The following KHDRBS2 variants were observed in gnomAD, a reference collection of about 807,000 sequenced individuals.
The protein encoded by KHDRBS2 is KH domain-containing, RNA-binding, signal transduction-associated protein 2.
Under a neutral mutation model 44.3 loss-of-function variants are expected in KHDRBS2, and 26 were observed. That is an observed-to-expected ratio of 0.59 (90% confidence interval 0.43 to 0.81). The LOEUF is 0.81. Ranked by LOEUF, KHDRBS2 falls within the 40% of genes least tolerant of loss-of-function variation. The probability of loss-of-function intolerance (pLI) is 0.00; values close to 1 mark genes in which losing one functional copy is unlikely to be tolerated. For synonymous variants in KHDRBS2, 194 were observed against 151.1 expected (o/e 1.28, Z -2.08); for missense variants, 476 against 433.1 (o/e 1.10, Z -0.88).
intron 4 of KHDRBS2, among the ~76,000 whole-genome samples, chr6:61,911,685 C>T (rs1465832127): frequency 2.6e-5 from 4 of 151,768 alleles, no homozygotes; most frequent in Non-Finnish European, 5.9e-5. Flanking sequence ...GAGAAAATCC[C>T]TCCTAGAAAT....
chr6:62,266,462 G>T (rs1839218262), intron 1 of KHDRBS2, among the ~76,000 whole-genome samples: 1 of 152,022 alleles, frequency 6.6e-6, no homozygotes, highest in Admixed American at 6.6e-5. Context: ...CTCCACTTGT[G>T]TATGCTTACC....
At chr6:61,622,716 T>C in the KHDRBS2 span, among the ~76,000 whole-genome samples, 2 of 152,096 alleles carry the variant, frequency 1.3e-5, no homozygotes, top group African/African-American at 2.4e-5. Flanking sequence ...CATGCTTGAA[T>C]GGCTGTAAGA....
chr6:62,024,113 T>C (rs988331210), intron 3 of KHDRBS2, among the ~76,000 whole-genome samples: 1 of 151,322 alleles, frequency 6.6e-6, no homozygotes, highest in Non-Finnish European at 1.5e-5. Context: ...ATCTTTCTCA[T>C]AAAAATTACC....
chr6:62,209,476 AAC>A (rs1355241342), intron 1 of KHDRBS2, among the ~76,000 whole-genome samples: 5 of 152,238 alleles, frequency 3.3e-5, no homozygotes, highest in Non-Finnish European at 7.3e-5. Flanking sequence ...TACACACATC[AAC>A]ACACACATAC....
intron 6 of KHDRBS2, among the ~76,000 whole-genome samples, chr6:61,868,590 G>A (rs752249093): frequency 6.6e-6 from 1 of 152,200 alleles, no homozygotes; most frequent in Non-Finnish European, 1.5e-5. Context: ...CAGTCTAGCC[G>A]CATTTTGGTA....
chr6:61,798,556 T>A (rs16899705), intron 6 of KHDRBS2, among the ~76,000 whole-genome samples: 2 of 152,008 alleles, frequency 1.3e-5, no homozygotes, highest in African/African-American at 2.4e-5. Flanking sequence ...TCTACTACAG[T>A]AATCTATAAA....
intron 8 of KHDRBS2, among the ~76,000 whole-genome samples, chr6:61,682,358 A>C (rs1490605402): frequency 3.3e-5 from 5 of 151,846 alleles, no homozygotes; most frequent in African/African-American, 1.2e-4. Flanking sequence ...ATAATAAATA[A>C]AAAATTATAT....
At chr6:61,871,374 A>G (rs1032969657) in intron 6 of KHDRBS2, among the ~76,000 whole-genome samples, 1 of 152,332 alleles carries the variant, frequency 6.6e-6, no homozygotes, top group South Asian at 2.1e-4. Flanking sequence ...GACTAAATCT[A>G]TGTTTGATTG....
At chr6:61,587,093 C>T in the KHDRBS2 span, among the ~76,000 whole-genome samples, 5 of 152,116 alleles carry the variant, frequency 3.3e-5, no homozygotes, top group African/African-American at 1.2e-4. Context: ...GAGAGCACTG[C>T]CTACTCCCCC....
intron 2 of KHDRBS2, among the ~76,000 whole-genome samples, chr6:62,129,482 T>C (rs1380445098): frequency 6.6e-6 from 1 of 152,120 alleles, no homozygotes; most frequent in Non-Finnish European, 1.5e-5. Flanking sequence ...TAAATTAAAA[T>C]AGCAATAAAA....
the KHDRBS2 span, among the ~76,000 whole-genome samples, chr6:61,594,941 G>C: frequency 6.6e-6 from 1 of 152,010 alleles, no homozygotes; most frequent in East Asian, 1.9e-4. Context: ...ATAATGAAAA[G>C]GTTTCAGAAA....
chr6:62,013,934 T>C (rs182879716), intron 3 of KHDRBS2, among the ~76,000 whole-genome samples: 1 of 152,292 alleles, frequency 6.6e-6, no homozygotes, highest in Admixed American at 6.5e-5. Context: ...AAAGAGATGT[T>C]CCCTGCTCCA....
At chr6:62,164,137 G>T (rs1818203146) in intron 2 of KHDRBS2, among the ~76,000 whole-genome samples, 1 of 151,742 alleles carries the variant, frequency 6.6e-6, no homozygotes, top group South Asian at 2.1e-4. Flanking sequence ...CACGTTTTAA[G>T]ATATGATATG....
At chr6:61,682,081 G>A (rs568225524) in intron 8 of KHDRBS2, among the ~76,000 whole-genome samples, 40 of 152,034 alleles carry the variant, frequency 2.6e-4, no homozygotes, top group African/African-American at 8.7e-4. Context: ...TATTAACTGG[G>A]AAACAATTGC....
intron 2 of KHDRBS2, among the ~76,000 whole-genome samples, chr6:62,080,656 C>A (rs1473959311): frequency 6.6e-6 from 1 of 152,002 alleles, no homozygotes; most frequent in South Asian, 2.1e-4. Flanking sequence ...CTCAATTTGT[C>A]CATTTAGACC....
rs560619879 is a variant in KHDRBS2 at position 61,948,853 on chromosome 6, G to A, written c.483+29213C>T. Among the ~76,000 whole-genome samples the A allele has an allele frequency of 4.6e-5, 7 of 151,828 alleles. 1 individual carries two copies. The highest frequency in any genetic ancestry group is 1.2e-4 in the African/African-American group (5 of 41,384). ...CAAACCCTTACAAATCAGTGGCTTTGGTGATAGTGCTGATGGTGAGAATAA... is the reference window on the plus strand; with the variant it reads ...CAAACCCTTACAAATCAGTGGCTTTAGTGATAGTGCTGATGGTGAGAATAA... On this transcript the variant is annotated intron_variant, in intron 4 of 8. Coordinates refer to ENST00000281156, the MANE Select transcript of KHDRBS2 (RefSeq NM_152688.4).
intron 2 of KHDRBS2, among the ~76,000 whole-genome samples, chr6:62,152,104 G>A (rs1209073689): frequency 6.6e-6 from 1 of 152,150 alleles, no homozygotes; most frequent in Non-Finnish European, 1.5e-5. Context: ...AGGATCACCT[G>A]AGGTTGGGAG....
chr6:62,230,930 A>T (rs1386803076), intron 1 of KHDRBS2, among the ~76,000 whole-genome samples: 1 of 151,976 alleles, frequency 6.6e-6, no homozygotes, highest in African/African-American at 2.4e-5. Context: ...TAGGTAATTT[A>T]AAAAAATATT....
At chr6:62,197,541 C>T (rs1825952401) in intron 1 of KHDRBS2, among the ~76,000 whole-genome samples, 1 of 152,120 alleles carries the variant, frequency 6.6e-6, no homozygotes, top group South Asian at 2.1e-4. Flanking sequence ...GTATTTATCA[C>T]ACTCAGCATT....
Sources: allele counts gnomAD v4.1 joint callset (sites outside exome capture counted in the v4.1 genomes callset), GRCh38; gene constraint gnomAD v4.1.1; transcripts MANE v1.5; gene names NCBI Gene and HGNC (gene_info 2026-07-23, HGNC 2026-07-21).